The following JAKMIP2 variants were observed in gnomAD, a reference collection of about 807,000 sequenced individuals.
JAKMIP2 encodes janus kinase and microtubule interacting protein 2, also known as janus kinase and microtubule-interacting protein 2.
A neutral mutation model predicts 115.0 loss-of-function variants in JAKMIP2; 25 were observed. The ratio of observed to expected loss-of-function variants is 0.22; its 90% confidence interval spans 0.16 to 0.30. JAKMIP2 has a LOEUF of 0.30. Ranked by LOEUF, JAKMIP2 falls within the 10% of genes least tolerant of loss-of-function variation. The pLI is 1.00. For synonymous variants in JAKMIP2, 334 were observed against 343.6 expected (o/e 0.97, Z 0.31); for missense variants, 642 against 957.6 (o/e 0.67, Z 4.35).
chr5:147,767,086 T>G (rs1238204570), intron 1 of JAKMIP2, among the ~76,000 whole-genome samples: 3 of 152,142 alleles, frequency 2.0e-5, no homozygotes, highest in Admixed American at 1.3e-4. Context: ...TTGGATTGAA[T>G]AGTTAGCCTG....
At chr5:147,714,046 C>G (rs756054138) in intron 1 of JAKMIP2, among the ~76,000 whole-genome samples, 1 of 152,114 alleles carries the variant, frequency 6.6e-6, no homozygotes, top group African/African-American at 2.4e-5. Context: ...CAAATAACTT[C>G]TACTAGCAAT....
intron 1 of JAKMIP2, among the ~76,000 whole-genome samples, chr5:147,736,325 G>A (rs1390268008): frequency 4.6e-5 from 7 of 151,878 alleles, no homozygotes; most frequent in Non-Finnish European, 7.4e-5. Flanking sequence ...GCTGCATGTC[G>A]GGGCACACAT....
chr5:147,606,813 A>G (rs186973511), intron 20 of JAKMIP2, among the ~76,000 whole-genome samples: 2 of 152,316 alleles, frequency 1.3e-5, no homozygotes, highest in East Asian at 3.9e-4. Context: ...TCTATCCATG[A>G]GCATGGAATG....
intron 1 of JAKMIP2, among the ~76,000 whole-genome samples, chr5:147,742,237 G>A (rs539114470): frequency 4.0e-5 from 6 of 149,866 alleles, no homozygotes; most frequent in South Asian, 4.2e-4. Context: ...TTAAGATAAC[G>A]AGAGACATCC....
In JAKMIP2 at chr5:147,669,593, G is replaced by T. The variant is rs556792391; in HGVS notation, c.129+2085C>A. Reference sequence around the variant, plus strand: ...CTCTGGAAAGCAGTAGCAGTTTAGGGTTCCCAGTCTCGAGATTGACAAGCT... The same window carrying T: ...CTCTGGAAAGCAGTAGCAGTTTAGGTTTCCCAGTCTCGAGATTGACAAGCT... On this transcript the variant is annotated intron_variant, in intron 2 of 21. Coordinates refer to ENST00000616793, the MANE Select transcript of JAKMIP2 (RefSeq NM_001270941.2). 6.6e-5 allele frequency among the ~76,000 whole-genome samples: 10 copies of T among 152,286 alleles called. No individual in the cohort carries two copies. The South Asian group carries it at 2.1e-3, about 32-fold the overall frequency.
intron 2 of JAKMIP2, among the ~76,000 whole-genome samples, chr5:147,669,041 A>G (rs542870942): frequency 6.6e-6 from 1 of 152,294 alleles, no homozygotes; most frequent in South Asian, 2.1e-4. Context: ...CCACTTTTTA[A>G]CTTATCCATT....
intron 19 of JAKMIP2, among the ~76,000 whole-genome samples, chr5:147,612,798 A>T (rs928692270): frequency 1.3e-5 from 2 of 152,214 alleles, no homozygotes; most frequent in African/African-American, 4.8e-5. Context: ...AAGCTTTGTT[A>T]TGAACCATTT....
chr5:147,751,504 A>G (rs966109824), intron 1 of JAKMIP2, among the ~76,000 whole-genome samples: 1 of 132,174 alleles, frequency 7.6e-6, no homozygotes, highest in African/African-American at 2.8e-5. Context: ...AAAATTAATT[A>G]CTCCCCCTCC....
rs1437491967 is a variant in JAKMIP2 at position 147,653,147 on chromosome 5, T to G, written c.628-2600A>C. 2.6e-5 allele frequency among the ~76,000 whole-genome samples: 4 copies of G among 152,196 alleles called. No homozygotes were observed. The East Asian group carries it at 7.7e-4, about 29-fold the overall frequency. On this transcript the variant is annotated intron_variant, in intron 3 of 21. Coordinates refer to ENST00000616793, the MANE Select transcript of JAKMIP2 (RefSeq NM_001270941.2). ...TGGGTTGGTTCCATGTCTTTGCTAT[T>G]GTAAATAATGCTGCAATAAACATAC...
chr5:147,586,958 T>C lies in JAKMIP2; in HGVS notation c.*4749A>G, dbSNP rs112915199. ...CCAAACTAATGACAGCAAAGGATTG[T>C]GAATCTGCCCTGCCCCATTCTGAAA... is the stretch of plus-strand genomic sequence containing the variant. On this transcript the variant is annotated 3_prime_UTR_variant, in exon 22 of 22. Transcript: ENST00000616793. 2.0e-4 allele frequency: 30 copies of C among 152,254 alleles called. 1 individual carries two copies. The highest frequency in any genetic ancestry group is 6.0e-4 in the African/African-American group (25 of 41,534). The allele number at this position is 152,254 out of a possible 1,614,324, so 9.4% of individuals were successfully genotyped here.
At chr5:147,606,601 T>C (rs1464772343) in intron 20 of JAKMIP2, among the ~76,000 whole-genome samples, 1 of 152,240 alleles carries the variant, frequency 6.6e-6, no homozygotes, top group Admixed American at 6.5e-5. Context: ...TAGTATGGTC[T>C]GAAGTCAGGT....
chr5:147,667,174 G>A (rs574546931), intron 2 of JAKMIP2, among the ~76,000 whole-genome samples: 11 of 152,122 alleles, frequency 7.2e-5, no homozygotes, highest in South Asian at 4.1e-4. Flanking sequence ...AGAGTGGTGC[G>A]GGGTGGGGCA....
chr5:147,773,204 G>A (rs1755429982), intron 1 of JAKMIP2, among the ~76,000 whole-genome samples: 2 of 152,066 alleles, frequency 1.3e-5, no homozygotes, highest in South Asian at 4.1e-4. Flanking sequence ...ATTTACCTAG[G>A]GGGAAGTGCA....
At chr5:147,682,556 G>A (rs1225570997) in intron 1 of JAKMIP2, among the ~76,000 whole-genome samples, 1 of 152,162 alleles carries the variant, frequency 6.6e-6, no homozygotes, top group Non-Finnish European at 1.5e-5. Context: ...CCAGTTAAGA[G>A]TAAAACTGTG....
rs543791919 is a variant in JAKMIP2, at chr5:147,590,174, C to A, written c.*1533G>T. On this transcript the variant is annotated 3_prime_UTR_variant, in exon 22 of 22. Coordinates refer to ENST00000616793, the MANE Select transcript of JAKMIP2 (RefSeq NM_001270941.2). ...GCTAAAACTGAAGGATGATAGTGAA[C>A]CCACATATGGAAAGATTTGTATAGC... is the stretch of plus-strand genomic sequence containing the variant. 6.6e-6 allele frequency: 1 copy of A among 152,108 alleles called. No individual in the cohort carries two copies. Among genetic ancestry groups the A allele is most frequent in the East Asian group, 1.9e-4 (1 of 5,148 alleles). The allele number at this position is 152,108 out of a possible 1,614,324, so 9.4% of individuals were successfully genotyped here.
intron 2 of JAKMIP2, among the ~76,000 whole-genome samples, chr5:147,669,480 T>C (rs1759471622): frequency 6.6e-6 from 1 of 152,198 alleles, no homozygotes; most frequent in Non-Finnish European, 1.5e-5. Flanking sequence ...ACTTGAGAGT[T>C]ACCCATTTTA....
rs1369328867 is a variant in JAKMIP2 at position 147,644,066 on chromosome 5, G to C, written c.1216C>G (p.Leu406Val). 6.3e-7 allele frequency: 1 copy of C among 1,585,868 alleles called. No homozygotes were observed. Among genetic ancestry groups the C allele is most frequent in the Non-Finnish European group, 8.6e-7 (1 of 1,161,104 alleles). Reference protein sequence around the residue: ...VIEQQNIIDELTRDREKLIRR... With the variant: ...VIEQQNIIDEVTRDREKLIRR... ...GATTGATTGACACGTACCCTTGTGAGCTCATCAATAATGTTCTGTTGCTCA... is the reference window on the plus strand; with the variant it reads ...GATTGATTGACACGTACCCTTGTGACCTCATCAATAATGTTCTGTTGCTCA... Residue 406 changes from leucine to valine, a missense_variant, in exon 7 of 22, where the codon CTC becomes GTC. Around this residue, in one of 6 missense-constraint regions of JAKMIP2, gnomAD observed 439 missense variants for 570.9 expected, o/e 0.77. Transcript: ENST00000616793.
chr5:147,683,221 G>A (rs1760388622), intron 1 of JAKMIP2, among the ~76,000 whole-genome samples: 1 of 152,204 alleles, frequency 6.6e-6, no homozygotes, highest in South Asian at 2.1e-4. Context: ...CAGGTGTGAT[G>A]GCTCATGCCT....
chr5:147,782,449 T>A lies in JAKMIP2; in HGVS notation c.-149+7A>T. On this transcript the variant is annotated splice_region_variant and intron_variant, in intron 1 of 21. Coordinates refer to ENST00000616793, the MANE Select transcript of JAKMIP2 (RefSeq NM_001270941.2). ...CCAAGAAGGGAGCCCTACTGTTTCC[T>A]ACTCACCATGCTGAGACCCGGAGAA... The A allele has an allele frequency of 3.3e-6, 5 of 1,535,988 alleles. No homozygotes were observed. Among genetic ancestry groups the A allele is most frequent in the Non-Finnish European group, 4.4e-6 (5 of 1,146,822 alleles).
Sources: gnomAD v4.1 joint callset for allele counts (sites outside exome capture counted in the v4.1 genomes callset) on GRCh38, gnomAD v4.1.1 for gene constraint, gnomAD v4.1.1 regional missense constraint, MANE v1.5 for transcripts, NCBI Gene and HGNC (gene_info 2026-07-23, HGNC 2026-07-21) for gene names.